RARB: variants seen among roughly 807,000 people sequenced by gnomAD.
The protein encoded by RARB is HBV-activated protein.
RARB carries 17 observed loss-of-function variants against 51.9 expected under a neutral mutation model. That is an observed-to-expected ratio of 0.33 (90% confidence interval 0.22 to 0.49). RARB has a LOEUF of 0.49. Among genes scored for constraint, RARB ranks in the 20% least tolerant of loss-of-function variants. The probability of loss-of-function intolerance (pLI) is 0.99; values close to 1 mark genes in which losing one functional copy is unlikely to be tolerated. For missense variants in RARB, 369 were observed against 550.8 expected (o/e 0.67, Z 3.30); for synonymous variants, 215 against 195.4 (o/e 1.10, Z -0.84).
chr3:24,907,298 C>G (rs866270804), intron 2 of RARB, among the ~76,000 whole-genome samples: 1 of 152,116 alleles, frequency 6.6e-6, no homozygotes, highest in Non-Finnish European at 1.5e-5. Flanking sequence ...TGTAATAGGT[C>G]TAAAGTGAGA....
At chr3:25,551,289 T>C (rs145546844) in intron 3 of RARB, among the ~76,000 whole-genome samples, 1 of 152,356 alleles carries the variant, frequency 6.6e-6, no homozygotes, top group Non-Finnish European at 1.5e-5. Flanking sequence ...GTACTGTTTT[T>C]ACTTTTTACT....
chr3:25,165,624 C>T (rs756582818), intron 4 of RARB, among the ~76,000 whole-genome samples: 26 of 152,142 alleles, frequency 1.7e-4, no homozygotes, highest in Non-Finnish European at 2.9e-4. Context: ...TGCCTACCAC[C>T]GCTTTTCTCA....
chr3:24,833,649 G>A (rs1041250506), intron 1 of RARB, among the ~76,000 whole-genome samples: 3 of 152,150 alleles, frequency 2.0e-5, no homozygotes, highest in African/African-American at 7.2e-5. Flanking sequence ...ATTCTCTTTA[G>A]TCTTCCTCAT....
chr3:25,207,720 G>T (rs755319585), intron 5 of RARB, among the ~76,000 whole-genome samples: 1 of 152,194 alleles, frequency 6.6e-6, no homozygotes, highest in African/African-American at 2.4e-5. Context: ...AGTTAGAGCA[G>T]TATTAAGGTG....
intron 5 of RARB, among the ~76,000 whole-genome samples, chr3:25,253,178 G>T (rs1702772417): frequency 6.6e-6 from 1 of 152,096 alleles, no homozygotes; most frequent in Non-Finnish European, 1.5e-5. Context: ...TCTGGATTTG[G>T]GTGGAAAATA....
At chr3:25,326,541 A>G (rs1042583305) in intron 5 of RARB, among the ~76,000 whole-genome samples, 5 of 152,210 alleles carry the variant, frequency 3.3e-5, no homozygotes, top group Admixed American at 2.6e-4. Context: ...TTGACAGGCT[A>G]TGGTATTAAA....
intron 5 of RARB, among the ~76,000 whole-genome samples, chr3:25,289,043 T>G (rs1215905202): frequency 6.6e-6 from 1 of 152,218 alleles, no homozygotes; most frequent in Non-Finnish European, 1.5e-5. Flanking sequence ...GAGGCAACGC[T>G]TCATAATGTC....
At chr3:25,594,704 T>C (rs765653567) in intron 7 of RARB, 26 bp downstream of exon 7, 2 of 1,549,582 alleles carry the variant, frequency 1.3e-6, no homozygotes, top group South Asian at 1.2e-5. Flanking sequence ...CTCAGTACTG[T>C]AGTCACACAG....
intron 5 of RARB, among the ~76,000 whole-genome samples, chr3:25,248,531 C>T (rs1171554306): frequency 6.6e-6 from 1 of 152,036 alleles, no homozygotes; most frequent in Non-Finnish European, 1.5e-5. Flanking sequence ...GTTTGCTCTA[C>T]CAGTGTTTTT....
intron 2 of RARB, among the ~76,000 whole-genome samples, chr3:24,985,687 C>A (rs1423365816): frequency 6.6e-6 from 1 of 152,190 alleles, no homozygotes; most frequent in Non-Finnish European, 1.5e-5. Flanking sequence ...TCTTTTGTTT[C>A]CAGAAATTTT....
intron 5 of RARB, among the ~76,000 whole-genome samples, chr3:25,376,808 G>A (rs755554980): frequency 1.3e-5 from 2 of 152,136 alleles, no homozygotes; most frequent in Non-Finnish European, 2.9e-5. Flanking sequence ...TAGAAAAGAC[G>A]TGCAAATCTG....
chr3:25,155,913 C>G (rs993057417), intron 4 of RARB, among the ~76,000 whole-genome samples: 4 of 152,180 alleles, frequency 2.6e-5, no homozygotes, highest in African/African-American at 9.6e-5. Flanking sequence ...TGCCTGTTTT[C>G]CTTAACTTAA....
rs879743005 is a variant in RARB at position 25,137,259 on chromosome 3, T to G, written c.-280+5051T>G. Among the ~76,000 whole-genome samples, 88 of 152,120 alleles carry G rather than the reference T, an allele frequency of 5.8e-4. 1 individual carries two copies. The highest frequency in any genetic ancestry group is 5.6e-3 in the Admixed American group (85 of 15,262). On this transcript the variant is annotated intron_variant, in intron 4 of 11. Coordinates refer to the RARB transcript ENST00000383772. ...AACTTAAAGTTGAAGGAATTTTTAA[T>G]GTAGCTGGAATTCTTATAATTTATC...
chr3:25,371,848 C>G (rs111332000), intron 5 of RARB, among the ~76,000 whole-genome samples: 2 of 152,106 alleles, frequency 1.3e-5, no homozygotes, highest in Middle Eastern at 3.4e-3. Flanking sequence ...GTCATAAATG[C>G]GAAAATAAAT....
intron 5 of RARB, among the ~76,000 whole-genome samples, chr3:25,406,062 C>CT (rs965534713): frequency 2.2e-4 from 34 of 152,300 alleles, no homozygotes; most frequent in African/African-American, 7.9e-4. Flanking sequence ...AACTGGCCAT[C>CT]TTTTTTCTTA....
chr3:25,203,000 C>A (rs1422162696), intron 5 of RARB, among the ~76,000 whole-genome samples: 1 of 152,202 alleles, frequency 6.6e-6, no homozygotes, highest in African/African-American at 2.4e-5. Flanking sequence ...TGTTAACTTT[C>A]TGTCTCATTG....
chr3:25,153,186 G>T (rs1384658310), intron 4 of RARB, among the ~76,000 whole-genome samples: 1 of 151,862 alleles, frequency 6.6e-6, no homozygotes, highest in African/African-American at 2.4e-5. Flanking sequence ...GCTTTCAGTA[G>T]AGTAGAGGTG....
At chr3:24,867,908 T>C (rs1702880285) in intron 2 of RARB, among the ~76,000 whole-genome samples, 1 of 152,150 alleles carries the variant, frequency 6.6e-6, no homozygotes, top group Non-Finnish European at 1.5e-5. Flanking sequence ...TAGGCAGATT[T>C]CAAGTCGACT....
At position 25,297,712 on chromosome 3, in the gene RARB, A is replaced by C. The variant is rs969108205; in HGVS notation, c.178+123137A>C. ...CCTGTTAAAAGCAAGAGATGGTCCC[A>C]TTTTTTCCCCTCATTCCCCAGTCTA... On this transcript the variant is annotated intron_variant, in intron 5 of 11. Transcript: ENST00000383772. Among the ~76,000 whole-genome samples, 3 of 151,834 alleles carry C rather than the reference A, an allele frequency of 2.0e-5. No individual in the cohort carries two copies. In the East Asian group the frequency reaches 5.8e-4, roughly 29 times the overall value.
Sources: allele counts gnomAD v4.1 joint callset (sites outside exome capture counted in the v4.1 genomes callset), GRCh38; gene constraint gnomAD v4.1.1; transcripts MANE v1.5; gene names NCBI Gene and HGNC (gene_info 2026-07-23, HGNC 2026-07-21).